Variants in TSPAN15 observed in about 807,000 individuals in gnomAD.
TSPAN15 encodes tetraspanin-15.
TSPAN15 carries 20 observed loss-of-function variants against 34.5 expected under a neutral mutation model. That is an observed-to-expected ratio of 0.58 (90% CI 0.41 to 0.84). The LOEUF is 0.84. Ranked by LOEUF, TSPAN15 falls within the 40% of genes least tolerant of loss-of-function variation. The pLI is 0.00. For synonymous variants in TSPAN15, 155 were observed against 153.9 expected, an observed-to-expected ratio of 1.01 and a Z score of -0.05; for missense variants, 313 against 386.1, an observed-to-expected ratio of 0.81 and a Z score of 1.59.
intron 4 of TSPAN15, among the ~76,000 whole-genome samples, chr10:69,496,408 T>C (rs1842086405): frequency 6.6e-6 from 1 of 151,472 alleles, no homozygotes; most frequent in Non-Finnish European, 1.5e-5. Flanking sequence ...TGGGTGGCTT[T>C]TGTACATCAA....
At chr10:69,474,258 A>T (rs918606960) in intron 1 of TSPAN15, among the ~76,000 whole-genome samples, 1 of 151,790 alleles carries the variant, frequency 6.6e-6, no homozygotes, top group East Asian at 1.9e-4. Flanking sequence ...GGACAGTGAG[A>T]CCACAGGGCA....
At chr10:69,518,515 G>C in the TSPAN15 span, among the ~76,000 whole-genome samples, 2 of 152,156 alleles carry the variant, frequency 1.3e-5, no homozygotes, top group Non-Finnish European at 2.9e-5. Context: ...TCTCCACCTC[G>C]TGGGTTCAAG....
chr10:69,544,673 T>C, the TSPAN15 span, among the ~76,000 whole-genome samples: 48 of 152,262 alleles, frequency 3.2e-4, no homozygotes, highest in African/African-American at 1.0e-3. Flanking sequence ...TTAGGAACGA[T>C]TGAGTACTGG....
At chr10:69,544,950 G>A in the TSPAN15 span, among the ~76,000 whole-genome samples, 11 of 152,156 alleles carry the variant, frequency 7.2e-5, no homozygotes, top group African/African-American at 1.9e-4. Flanking sequence ...TGGCTCCCAC[G>A]CCTTGCCTCA....
At chr10:69,476,822 T>C (rs990158473) in intron 1 of TSPAN15, among the ~76,000 whole-genome samples, 2 of 152,002 alleles carry the variant, frequency 1.3e-5, no homozygotes, top group African/African-American at 4.8e-5. Flanking sequence ...GCCCCGTTCC[T>C]CAAGCATAAG....
At chr10:69,535,069 A>G in the TSPAN15 span, among the ~76,000 whole-genome samples, 1 of 152,200 alleles carries the variant, frequency 6.6e-6, no homozygotes, top group Non-Finnish European at 1.5e-5. Flanking sequence ...ATCTTAAAAT[A>G]TTTACATATT....
At position 69,495,582 on chromosome 10, in the gene TSPAN15, C is replaced by G; in HGVS notation, c.358-12C>G. On this transcript the variant is annotated splice_polypyrimidine_tract_variant and intron_variant, in intron 3 of 7. Transcript: ENST00000373290. The stretch of plus-strand genomic sequence containing the variant: ...GTGGTTCTTTTCCTTTGTAATTTCT[C>G]CTTTTGAATAGACCATTGACTTCCT... The G allele has an allele frequency of 3.1e-6, 5 of 1,599,152 alleles. No homozygotes were observed. In the African/African-American group the frequency reaches 5.4e-5, roughly 17 times the overall value.
At chr10:69,467,413 TGA>T (rs1490883314) in intron 1 of TSPAN15, among the ~76,000 whole-genome samples, 1 of 152,196 alleles carries the variant, frequency 6.6e-6, no homozygotes, top group African/African-American at 2.4e-5. Context: ...GAATCTGGTC[TGA>T]AGCTTTAGGC....
chr10:69,514,476 C>T, the TSPAN15 span, among the ~76,000 whole-genome samples: 6 of 152,122 alleles, frequency 3.9e-5, no homozygotes, highest in Non-Finnish European at 5.9e-5. Flanking sequence ...AGTGAAGCTA[C>T]CTGGAAAATC....
At chr10:69,541,022 G>C in the TSPAN15 span, among the ~76,000 whole-genome samples, 1 of 152,194 alleles carries the variant, frequency 6.6e-6, no homozygotes, top group Admixed American at 6.5e-5. Context: ...TCCCCAGACT[G>C]AGGAACAGAG....
At chr10:69,524,039 T>C in the TSPAN15 span, among the ~76,000 whole-genome samples, 1 of 148,302 alleles carries the variant, frequency 6.7e-6, no homozygotes, top group Admixed American at 6.9e-5. Flanking sequence ...CATCTCTGTT[T>C]TATGATGTTT....
At chr10:69,531,914 AAAAC>A in the TSPAN15 span, among the ~76,000 whole-genome samples, 11,549 of 149,850 alleles carry the variant, frequency 0.077, 566 homozygotes, top group South Asian at 0.13. Context: ...ACATAGCTGC[AAAAC>A]AAACAAACAA....
At chr10:69,545,975 A>G in the TSPAN15 span, among the ~76,000 whole-genome samples, 2,845 of 151,808 alleles carry the variant, frequency 0.019, 103 homozygotes, top group African/African-American at 0.064. Context: ...ACAAAACAAA[A>G]CAAAGCAAAA....
At chr10:69,459,879 C>T (rs564471160) in intron 1 of TSPAN15, among the ~76,000 whole-genome samples, 15 of 151,154 alleles carry the variant, frequency 9.9e-5, no homozygotes, top group African/African-American at 3.7e-4. Flanking sequence ...ACGGGGCCTA[C>T]TCTAGGGTCC....
the TSPAN15 span, chr10:69,523,350 TC>T: frequency 3.6e-6 from 2 of 551,358 alleles, no homozygotes; most frequent in South Asian, 1.8e-5. Context: ...GCAGGCTCCC[TC>T]CCACAGGGGC....
At chr10:69,485,302 C>A in intron 3 of TSPAN15, 87 bp downstream of exon 3, 1 of 1,108,188 alleles carries the variant, frequency 9.0e-7, no homozygotes, top group Non-Finnish European at 1.4e-6. Flanking sequence ...TGGCAGTGAG[C>A]AGGGCAGATA....
intron 1 of TSPAN15, among the ~76,000 whole-genome samples, chr10:69,467,792 C>T (rs1472813889): frequency 3.9e-5 from 6 of 152,120 alleles, no homozygotes; most frequent in Non-Finnish European, 8.8e-5. Flanking sequence ...TATGCAAAAA[C>T]ATATCTAATT....
At chr10:69,539,336 A>C in the TSPAN15 span, among the ~76,000 whole-genome samples, 1 of 151,582 alleles carries the variant, frequency 6.6e-6, no homozygotes, top group African/African-American at 2.4e-5. Flanking sequence ...AAAATCTCAG[A>C]AACTACCACT....
chr10:69,494,683 G>T (rs1218510334), intron 3 of TSPAN15: 1 of 985,230 alleles, frequency 1.0e-6, no homozygotes, highest in Non-Finnish European at 1.2e-6. Flanking sequence ...CCAGGATCCT[G>T]TTGTCCCAGC....
Sources: allele counts gnomAD v4.1 joint callset (sites outside exome capture counted in the v4.1 genomes callset), GRCh38; gene constraint gnomAD v4.1.1; transcripts MANE v1.5; gene names NCBI Gene and HGNC (gene_info 2026-07-23, HGNC 2026-07-21).